MAGI2: variants seen among roughly 807,000 people sequenced by gnomAD.
MAGI2 encodes membrane-associated guanylate kinase, WW and PDZ domain-containing protein 2.
MAGI2 carries 35 observed loss-of-function variants against 133.3 expected under a neutral mutation model. The ratio of observed to expected loss-of-function variants is 0.26; its 90% CI spans 0.20 to 0.35. The LOEUF is 0.35. Ranked by LOEUF, MAGI2 falls within the 10% of genes least tolerant of loss-of-function variation. The probability of loss-of-function intolerance (pLI) is 1.00; values close to 1 mark genes in which losing one functional copy is unlikely to be tolerated. For missense variants in MAGI2, 1,636 were observed against 1,863.4 expected (o/e 0.88, Z 2.25); for synonymous variants, 729 against 710.6 (o/e 1.03, Z -0.41).
intron 6 of MAGI2, among the ~76,000 whole-genome samples, chr7:78,468,389 G>A (rs1326653453): frequency 6.6e-6 from 1 of 151,958 alleles, no homozygotes; most frequent in African/African-American, 2.4e-5. Context: ...GAGTGGTAGG[G>A]CATGTGACAA....
intron 1 of MAGI2, among the ~76,000 whole-genome samples, chr7:79,399,092 TTTC>T (rs1183506214): frequency 1.2e-4 from 16 of 131,474 alleles, no homozygotes; most frequent in African/African-American, 3.1e-4. Context: ...TTTTTTTTCT[TTTC>T]TTTTTTTTTT....
chr7:78,712,888 T>C lies in MAGI2; in HGVS notation c.419-85649A>G, dbSNP rs561752521. Among the ~76,000 whole-genome samples the C allele has an allele frequency of 1.1e-4, 17 of 152,226 alleles. 1 individual carries two copies. The South Asian group carries it at 3.5e-3, about 32-fold the overall frequency. ...AAATGGAAAGCAAAAATCAATACATTACAAAAAAACTAAATAATTTTAGTG... is the reference window on the plus strand; with the variant it reads ...AAATGGAAAGCAAAAATCAATACATCACAAAAAAACTAAATAATTTTAGTG... On this transcript the variant is annotated intron_variant, in intron 2 of 21. Coordinates refer to ENST00000354212, the MANE Select transcript of MAGI2 (RefSeq NM_012301.4).
chr7:78,108,195 A>T (rs989727859), intron 20 of MAGI2, among the ~76,000 whole-genome samples: 10 of 152,046 alleles, frequency 6.6e-5, no homozygotes, highest in Non-Finnish European at 1.5e-4. Context: ...TGTTTCAAGA[A>T]ATTTTTTAAT....
chr7:79,195,865 G>A (rs376883687), intron 1 of MAGI2, among the ~76,000 whole-genome samples: 1 of 151,778 alleles, frequency 6.6e-6, no homozygotes, highest in African/African-American at 2.4e-5. Flanking sequence ...GCCAGGCACA[G>A]AAAGACAAAC....
chr7:78,076,802 C>T (rs540740142), intron 21 of MAGI2, among the ~76,000 whole-genome samples: 3 of 130,698 alleles, frequency 2.3e-5, no homozygotes, highest in South Asian at 5.3e-4. Context: ...GCCGAGATTG[C>T]GCCACTGCAG....
intron 4 of MAGI2, among the ~76,000 whole-genome samples, chr7:78,514,693 C>T (rs1309842249): frequency 6.6e-6 from 1 of 152,176 alleles, no homozygotes. Flanking sequence ...CAGCGAGATT[C>T]ACTAGGGAGG....
At chr7:78,932,513 A>G (rs1584432359) in intron 2 of MAGI2, among the ~76,000 whole-genome samples, 1 of 149,630 alleles carries the variant, frequency 6.7e-6, no homozygotes, top group African/African-American at 2.5e-5. Flanking sequence ...ATGAAAAATA[A>G]AAAAAAAAAC....
chr7:79,348,177 G>C (rs537388843), intron 1 of MAGI2, among the ~76,000 whole-genome samples: 2 of 151,772 alleles, frequency 1.3e-5, no homozygotes, highest in Non-Finnish European at 3.0e-5. Flanking sequence ...GAATTTTCCA[G>C]AAATGTTTTA....
chr7:78,259,955 T>C (rs1275137683), intron 9 of MAGI2, among the ~76,000 whole-genome samples: 1 of 152,230 alleles, frequency 6.6e-6, no homozygotes, highest in African/African-American at 2.4e-5. Flanking sequence ...TTACAATTTA[T>C]GGATATTTTC....
At chr7:79,010,047 C>T (rs1380483011) in intron 1 of MAGI2, among the ~76,000 whole-genome samples, 1 of 151,744 alleles carries the variant, frequency 6.6e-6, no homozygotes, top group Non-Finnish European at 1.5e-5. Context: ...TATATATATA[C>T]ACACACATGT....
At chr7:78,655,086 G>A (rs886348533) in intron 2 of MAGI2, among the ~76,000 whole-genome samples, 1 of 151,020 alleles carries the variant, frequency 6.6e-6, no homozygotes, top group Non-Finnish European at 1.5e-5. Flanking sequence ...AAAATATCTT[G>A]TGTATACCAT....
At chr7:78,955,736 T>TCTTCCTTC (rs1491380785) in intron 2 of MAGI2, among the ~76,000 whole-genome samples, 3 of 45,728 alleles carry the variant, frequency 6.6e-5, no homozygotes, top group African/African-American at 2.1e-4. Flanking sequence ...TTTCTTTCTT[T>TCTTCCTTC]CTTTCTTTCT....
intron 2 of MAGI2, among the ~76,000 whole-genome samples, chr7:78,969,503 C>T (rs1487768952): frequency 2.0e-5 from 3 of 151,998 alleles, no homozygotes; most frequent in Non-Finnish European, 1.5e-5. Flanking sequence ...GATATTTCCC[C>T]GGACAATGAA....
chr7:78,696,581 T>C (rs1817535063), intron 2 of MAGI2, among the ~76,000 whole-genome samples: 1 of 152,182 alleles, frequency 6.6e-6, no homozygotes, highest in Admixed American at 6.5e-5. Flanking sequence ...ATACAAATCT[T>C]GCATCAGGTT....
At chr7:78,795,843 G>A (rs1434805470) in intron 2 of MAGI2, among the ~76,000 whole-genome samples, 1 of 151,958 alleles carries the variant, frequency 6.6e-6, no homozygotes, top group Non-Finnish European at 1.5e-5. Context: ...TCCACACACA[G>A]CCAACTCATC....
At chr7:79,063,611 G>C (rs970383848) in intron 1 of MAGI2, among the ~76,000 whole-genome samples, 82 of 152,076 alleles carry the variant, frequency 5.4e-4, no homozygotes, top group African/African-American at 1.9e-3. Flanking sequence ...TTTTTTAAGA[G>C]AGAAATGAGC....
chr7:78,727,269 A>T (rs1486031797), intron 2 of MAGI2, among the ~76,000 whole-genome samples: 1 of 152,186 alleles, frequency 6.6e-6, no homozygotes, highest in Admixed American at 6.5e-5. Flanking sequence ...AGAGAGAGAG[A>T]GAGTCATGCG....
At chr7:78,949,083 A>T (rs1801664421) in intron 2 of MAGI2, among the ~76,000 whole-genome samples, 1 of 152,162 alleles carries the variant, frequency 6.6e-6, no homozygotes, top group Non-Finnish European at 1.5e-5. Flanking sequence ...TTGTGAAATC[A>T]GGGAAAAATA....
intron 2 of MAGI2, among the ~76,000 whole-genome samples, chr7:78,931,916 A>C (rs1800153179): frequency 6.6e-6 from 1 of 152,010 alleles, no homozygotes; most frequent in African/African-American, 2.4e-5. Context: ...CAAAATCTGA[A>C]ACATTTTGAG....
Sources: allele counts gnomAD v4.1 joint callset (sites outside exome capture counted in the v4.1 genomes callset), GRCh38; gene constraint gnomAD v4.1.1; transcripts MANE v1.5; gene names NCBI Gene and HGNC (gene_info 2026-07-23, HGNC 2026-07-21).